IQCH: variants seen among roughly 807,000 people sequenced by gnomAD.
The protein encoded by IQCH is IQ domain-containing protein H.
Under a neutral mutation model 117.0 loss-of-function variants are expected in IQCH, and 98 were observed. The observed-to-expected ratio is 0.84, with a 90% CI of 0.71 to 0.99. IQCH has a LOEUF of 0.99. Among genes scored for constraint, IQCH ranks in the 50% least tolerant of loss-of-function variants. IQCH has a pLI of 0.00. For synonymous variants in IQCH, 412 were observed against 448.2 expected (o/e 0.92, Z 1.02); for missense variants, 1,102 against 1,243.8 (o/e 0.89, Z 1.72).
chr15:67,401,489 G>A lies in IQCH; in HGVS notation c.2097+1184G>A, dbSNP rs2140870172. ...CATACATAGCAGTGGGCTATGCAAA[G>A]TGATTTGCGTCTGCTTTGAGCATCC... On this transcript the variant is annotated intron_variant, in intron 14 of 20. Transcript: ENST00000335894. This position sits in a 1 kb window ranked among gnomAD's most constrained non-coding sequence, Gnocchi z 4.7. Among the ~76,000 whole-genome samples the A allele has an allele frequency of 6.6e-6, 1 of 152,286 alleles. No homozygotes were observed.
intron 6 of IQCH, among the ~76,000 whole-genome samples, chr15:67,350,566 A>G (rs1461245201): frequency 5.3e-5 from 8 of 152,072 alleles, no homozygotes; most frequent in Non-Finnish European, 1.0e-4. Context: ...AGCTGGGACT[A>G]CAGGCGCCCG....
In IQCH at chr15:67,456,830, G is replaced by C. The variant is rs909757885; in HGVS notation, c.2506-8297G>C. ...TACGCCTGGCCCTGAGTGCTAAGTG[G>C]TGGGGCACAGATGGTTTGCAGCCTC... On this transcript the variant is annotated intron_variant, in intron 16 of 20. Transcript: ENST00000335894. This position sits in a 1 kb window ranked among gnomAD's most constrained non-coding sequence, Gnocchi z 5.1. Among the ~76,000 whole-genome samples, 3 of 152,060 alleles carry C rather than the reference G, an allele frequency of 2.0e-5. No individual in the cohort carries two copies. The highest frequency in any genetic ancestry group is 4.4e-5 in the Non-Finnish European group (3 of 68,014).
At chr15:67,358,202 CTTTTCTTTT>C (rs1969986896) in intron 7 of IQCH, among the ~76,000 whole-genome samples, 1 of 5,974 alleles carries the variant, frequency 1.7e-4, no homozygotes, top group Non-Finnish European at 3.4e-4. Context: ...GAGGCACTTT[CTTTTCTTTT>C]TTTTTTTTTT....
rs2082899179 is a variant in IQCH at position 67,465,171 on chromosome 15, C to G, written c.2550C>G (p.Ala850=). Reference sequence around the variant, plus strand: ...ACCTCGCATATAGTGACCAGCTGGCCCTGACTCAACTCACCTTATACCTGA... The same window carrying G: ...ACCTCGCATATAGTGACCAGCTGGCGCTGACTCAACTCACCTTATACCTGA... The part of the protein sequence containing the change: ...GLNLAYSDQL[A]LTQLTLYLTN... Residue 850 remains alanine (A), a synonymous_variant, in exon 17 of 21, where the codon GCC becomes GCG. Transcript: ENST00000335894. The surrounding 1 kb of genome is among the most constrained non-coding windows in gnomAD (Gnocchi z 5.9). 6.2e-7 allele frequency: 1 copy of G among 1,614,142 alleles called. No individual in the cohort carries two copies. The highest frequency in any genetic ancestry group is 8.5e-7 in the Non-Finnish European group (1 of 1,180,018).
At chr15:67,448,721 A>T (rs1216657387) in intron 16 of IQCH, among the ~76,000 whole-genome samples, 2 of 152,070 alleles carry the variant, frequency 1.3e-5, no homozygotes, top group African/African-American at 4.8e-5. Context: ...ATGATTTATA[A>T]TCCTTTGGGT....
rs1442661745 is a variant in IQCH, at chr15:67,388,755, A to C, written c.1457-76A>C. The C allele has an allele frequency of 7.8e-7, 1 of 1,285,548 alleles. No individual in the cohort carries two copies. Among genetic ancestry groups the C allele is most frequent in the Non-Finnish European group, 1.1e-6 (1 of 897,726 alleles). The allele number at this position is 1,285,548 out of a possible 1,614,324, so 79.6% of individuals were successfully genotyped here. On this transcript the variant is annotated intron_variant, in intron 11 of 20. Transcript: ENST00000335894. The surrounding 1 kb of genome is among the most constrained non-coding windows in gnomAD (Gnocchi z 5.5). ...TATGCTCTTTATTTTAAACTGCACA[A>C]CACCAATCGGATGCCAGAGTTCATA... is the stretch of plus-strand genomic sequence containing the variant.
At chr15:67,282,531 A>G (rs1185021248) in intron 4 of IQCH, among the ~76,000 whole-genome samples, 2 of 152,136 alleles carry the variant, frequency 1.3e-5, no homozygotes, top group African/African-American at 2.4e-5. Context: ...CTGGATTACT[A>G]TTGTTGTTGT....
intron 16 of IQCH, among the ~76,000 whole-genome samples, chr15:67,439,029 A>C (rs2082202471): frequency 6.6e-6 from 1 of 152,248 alleles, no homozygotes; most frequent in South Asian, 2.1e-4. Context: ...TAAATAATGG[A>C]TTTAAACTAT....
At chr15:67,470,740 G>T (rs985344938) in intron 17 of IQCH, among the ~76,000 whole-genome samples, 4 of 152,098 alleles carry the variant, frequency 2.6e-5, no homozygotes, top group Non-Finnish European at 5.9e-5. Flanking sequence ...ATATTCACAT[G>T]GTTCAAAAGG....
chr15:67,296,812 A>G (rs1041191234), intron 4 of IQCH, among the ~76,000 whole-genome samples: 1 of 152,174 alleles, frequency 6.6e-6, no homozygotes, highest in Non-Finnish European at 1.5e-5. Context: ...CACTTAACCA[A>G]TTATCCTCAC....
intron 4 of IQCH, among the ~76,000 whole-genome samples, chr15:67,313,851 C>T (rs1967718101): frequency 1.3e-5 from 2 of 152,118 alleles, no homozygotes; most frequent in African/African-American, 4.8e-5. Flanking sequence ...GATCTCTATC[C>T]CTTGATGTCC....
chr15:67,289,401 A>G (rs1018180329), intron 4 of IQCH, among the ~76,000 whole-genome samples: 7 of 152,054 alleles, frequency 4.6e-5, no homozygotes, highest in African/African-American at 1.7e-4. Context: ...CCTAAAGAAA[A>G]AAAGACAGTG....
chr15:67,376,335 G>A lies in IQCH; in HGVS notation c.1372+2902G>A, dbSNP rs1970737309. 6.6e-6 allele frequency among the ~76,000 whole-genome samples: 1 copy of A among 152,224 alleles called. No individual in the cohort carries two copies. On this transcript the variant is annotated intron_variant, in intron 10 of 20. Coordinates refer to ENST00000335894, the MANE Select transcript of IQCH (RefSeq NM_001031715.3). This position sits in a 1 kb window ranked among gnomAD's most constrained non-coding sequence, Gnocchi z 5.0. ...TTCATAAAAATAGAAGTGGATGAAA[G>A]TGAAGCAAATTTTTTCTCTAAATGT...
chr15:67,428,034 C>T (rs1457850156), intron 16 of IQCH, among the ~76,000 whole-genome samples: 1 of 152,084 alleles, frequency 6.6e-6, no homozygotes, highest in African/African-American at 2.4e-5. Context: ...CCATGTTGGC[C>T]AGGCTGGTCT....
At chr15:67,284,888 T>C (rs1261041948) in intron 4 of IQCH, among the ~76,000 whole-genome samples, 1 of 152,210 alleles carries the variant, frequency 6.6e-6, no homozygotes, top group Non-Finnish European at 1.5e-5. Flanking sequence ...TCCATGTCTT[T>C]GCTACTGTGA....
chr15:67,371,440 A>C, intron 8 of IQCH: 2 of 1,460,340 alleles, frequency 1.4e-6, no homozygotes, highest in South Asian at 1.6e-5. Flanking sequence ...TTGTGATCCT[A>C]ATCCACCTGG....
chr15:67,395,599 A>T lies in IQCH; in HGVS notation c.1905+36A>T. 6.3e-7 allele frequency: 1 copy of T among 1,591,594 alleles called. No homozygotes were observed. Among genetic ancestry groups the T allele is most frequent in the Non-Finnish European group, 8.6e-7 (1 of 1,164,338 alleles). On this transcript the variant is annotated intron_variant, in intron 13 of 20. Coordinates refer to ENST00000335894, the MANE Select transcript of IQCH (RefSeq NM_001031715.3). The surrounding 1 kb of genome is among the most constrained non-coding windows in gnomAD (Gnocchi z 4.0). ...TGGACAAGTGAAGCTCTGTTCAAAT[A>T]TTTGAAACATCCTCTTGATCTTGGA...
chr15:67,338,300 G>A (rs1241439654), intron 5 of IQCH, among the ~76,000 whole-genome samples: 2 of 151,740 alleles, frequency 1.3e-5, no homozygotes, highest in African/African-American at 2.4e-5. Flanking sequence ...CAAAATAAAA[G>A]TAAATGTAGA....
chr15:67,320,560 A>G (rs1023228648), intron 4 of IQCH, among the ~76,000 whole-genome samples: 1 of 152,218 alleles, frequency 6.6e-6, no homozygotes, highest in Non-Finnish European at 1.5e-5. Flanking sequence ...TAGTGAGAAA[A>G]AATAGCAACA....
Sources: gnomAD v4.1 joint callset for allele counts (sites outside exome capture counted in the v4.1 genomes callset) on GRCh38, gnomAD v4.1.1 for gene constraint, Gnocchi (gnomAD v3.1) non-coding constraint, MANE v1.5 for transcripts, NCBI Gene and HGNC (gene_info 2026-07-23, HGNC 2026-07-21) for gene names.